The following FSTL4 variants were observed in gnomAD, a reference collection of about 807,000 sequenced individuals.
The protein encoded by FSTL4 is follistatin-related protein 4.
Under a neutral mutation model 78.2 loss-of-function variants are expected in FSTL4, and 28 were observed. The ratio of observed to expected loss-of-function variants is 0.36; its 90% CI spans 0.27 to 0.49. The LOEUF (loss-of-function observed/expected upper bound fraction) is 0.49, where lower values mean the gene tolerates loss of function less well. Ranked by LOEUF, FSTL4 falls within the 20% of genes least tolerant of loss-of-function variation. The probability of loss-of-function intolerance (pLI) is 0.98; values close to 1 mark genes in which losing one functional copy is unlikely to be tolerated. For synonymous variants in FSTL4, 422 were observed against 440.5 expected (o/e 0.96, Z 0.53); for missense variants, 922 against 1,084.9 (o/e 0.85, Z 2.11).
At chr5:133,815,435 G>A in the FSTL4 span, among the ~76,000 whole-genome samples, 1 of 152,190 alleles carries the variant, frequency 6.6e-6, no homozygotes, top group Non-Finnish European at 1.5e-5. Context: ...AGAGATTCAC[G>A]TTGGGTAAAA....
At chr5:133,257,916 G>A (rs901805745) in intron 6 of FSTL4, among the ~76,000 whole-genome samples, 1 of 152,198 alleles carries the variant, frequency 6.6e-6, no homozygotes, top group African/African-American at 2.4e-5. Context: ...GGTGTCTTAA[G>A]GGGGAAAAGA....
the FSTL4 span, among the ~76,000 whole-genome samples, chr5:133,640,062 T>C: frequency 1.3e-5 from 2 of 152,206 alleles, no homozygotes; most frequent in Non-Finnish European, 2.9e-5. Flanking sequence ...ACAATAGGCA[T>C]GGTGCAATGA....
At chr5:133,290,813 GC>G (rs1408451952) in intron 6 of FSTL4, among the ~76,000 whole-genome samples, 1 of 152,228 alleles carries the variant, frequency 6.6e-6, no homozygotes, top group Non-Finnish European at 1.5e-5. Flanking sequence ...CCTGCCTTTG[GC>G]CCGCGGTCCC....
chr5:133,490,392 C>A (rs1195467366), intron 3 of FSTL4, among the ~76,000 whole-genome samples: 1 of 150,638 alleles, frequency 6.6e-6, no homozygotes, highest in Non-Finnish European at 1.5e-5. Context: ...TTCCAGGGGG[C>A]CAGATTTTGA....
At chr5:133,801,919 C>A in the FSTL4 span, among the ~76,000 whole-genome samples, 3 of 152,318 alleles carry the variant, frequency 2.0e-5, no homozygotes, top group South Asian at 6.2e-4. Context: ...TGCAAACACA[C>A]CTCCCTGCTC....
the FSTL4 span, among the ~76,000 whole-genome samples, chr5:133,658,711 G>C: frequency 6.6e-6 from 1 of 152,018 alleles, no homozygotes; most frequent in Non-Finnish European, 1.5e-5. Flanking sequence ...TAAGGATAAA[G>C]CTTAACTGTC....
At chr5:133,703,263 G>A in the FSTL4 span, among the ~76,000 whole-genome samples, 18 of 152,240 alleles carry the variant, frequency 1.2e-4, no homozygotes, top group Non-Finnish European at 1.6e-4. Context: ...TTCCAATCTC[G>A]CTGTTAGCTG....
chr5:133,294,990 C>T (rs1391619349), intron 6 of FSTL4, among the ~76,000 whole-genome samples: 2 of 152,206 alleles, frequency 1.3e-5, no homozygotes, highest in African/African-American at 4.8e-5. Context: ...GGGGAAACGG[C>T]CACCCTGCTG....
At chr5:133,427,649 T>G in intron 3 of FSTL4, 1 of 530,902 alleles carries the variant, frequency 1.9e-6, no homozygotes. Context: ...ACCCAGTGAC[T>G]CTGTTCAGTA....
chr5:133,411,683 T>C (rs1203649941), intron 3 of FSTL4, among the ~76,000 whole-genome samples: 1 of 152,204 alleles, frequency 6.6e-6, no homozygotes, highest in Non-Finnish European at 1.5e-5. Flanking sequence ...GGATATTTGT[T>C]ATCATCATTC....
intron 11 of FSTL4, chr5:133,221,127 A>G (rs1751088650): frequency 1.8e-6 from 1 of 567,198 alleles, no homozygotes; most frequent in Non-Finnish European, 3.2e-6. Flanking sequence ...AGTTGGCCAC[A>G]GGTTTTCAGA....
chr5:133,225,545 A>C lies in FSTL4; in HGVS notation c.1177+113T>G. On this transcript the variant is annotated intron_variant, in intron 9 of 15. Transcript: ENST00000265342. The surrounding 1 kb of genome is among the most constrained non-coding windows in gnomAD (Gnocchi z 4.6). ...AGGGAAATTTGGGAGCCATCTGTTC[A>C]CTCCTAACCTGTCTGACTTATAAAC... is the stretch of plus-strand genomic sequence containing the variant. 9.6e-7 allele frequency: 1 copy of C among 1,041,806 alleles called. No individual in the cohort carries two copies. The highest frequency in any genetic ancestry group is 1.4e-6 in the Non-Finnish European group (1 of 705,818). The allele number at this position is 1,041,806 out of a possible 1,614,324, so 64.5% of individuals were successfully genotyped here. A position where few individuals can be genotyped will look rare whatever the true frequency, so the allele number is the denominator to read the frequency against.
intron 3 of FSTL4, among the ~76,000 whole-genome samples, chr5:133,512,310 C>G (rs1388562003): frequency 6.6e-6 from 1 of 152,242 alleles, no homozygotes; most frequent in East Asian, 1.9e-4. Flanking sequence ...CCCCACAGCT[C>G]ACTGGATTCT....
At chr5:133,602,963 C>T (rs1386931154) in intron 2 of FSTL4, among the ~76,000 whole-genome samples, 2 of 152,142 alleles carry the variant, frequency 1.3e-5, no homozygotes, top group Non-Finnish European at 2.9e-5. Flanking sequence ...TTTTATTTCT[C>T]ATTCCGCAGG....
In FSTL4 at chr5:133,350,988, T is replaced by C. The variant is rs555566948; in HGVS notation, c.410-34336A>G. On this transcript the variant is annotated intron_variant, in intron 4 of 15. Coordinates refer to ENST00000265342, the MANE Select transcript of FSTL4 (RefSeq NM_015082.2). ...CTGAATGGCAATGTGTCCAGGTAAC[T>C]TCAAGATTTTGTTACTAAAGGAGGA... Among the ~76,000 whole-genome samples the C allele has an allele frequency of 5.9e-5, 9 of 152,348 alleles. No homozygotes were observed. In the South Asian group the frequency reaches 1.7e-3, roughly 28 times the overall value.
At chr5:133,827,758 C>T in the FSTL4 span, among the ~76,000 whole-genome samples, 2 of 151,684 alleles carry the variant, frequency 1.3e-5, no homozygotes, top group Admixed American at 6.6e-5. Context: ...TCACACACCT[C>T]TCTGGAGCCA....
At chr5:133,245,226 G>A (rs959999778) in intron 7 of FSTL4, among the ~76,000 whole-genome samples, 10 of 151,982 alleles carry the variant, frequency 6.6e-5, no homozygotes, top group African/African-American at 2.4e-4. Flanking sequence ...GGGCACTGCT[G>A]CACTCCAGAT....
chr5:133,216,505 C>A (rs1241059480), intron 13 of FSTL4, among the ~76,000 whole-genome samples: 1 of 152,008 alleles, frequency 6.6e-6, no homozygotes, highest in African/African-American at 2.4e-5. Flanking sequence ...CCTGCCACCA[C>A]GCCTGGCTAA....
intron 4 of FSTL4, among the ~76,000 whole-genome samples, chr5:133,343,644 G>T (rs950158733): frequency 2.0e-5 from 3 of 152,320 alleles, no homozygotes; most frequent in African/African-American, 7.2e-5. Flanking sequence ...CTGTGGTTTG[G>T]TGATGTTTGG....
Sources: gnomAD v4.1 joint callset for allele counts (sites outside exome capture counted in the v4.1 genomes callset) on GRCh38, gnomAD v4.1.1 for gene constraint, Gnocchi (gnomAD v3.1) non-coding constraint, MANE v1.5 for transcripts, NCBI Gene and HGNC (gene_info 2026-07-23, HGNC 2026-07-21) for gene names.